LIMK2: variants seen among roughly 807,000 people sequenced by gnomAD.
The protein encoded by LIMK2 is LIM domain kinase 2.
A neutral mutation model predicts 75.7 loss-of-function variants in LIMK2; 35 were observed. That is an observed-to-expected ratio of 0.46 (90% CI 0.35 to 0.61). The LOEUF (loss-of-function observed/expected upper bound fraction) is 0.61. Ranked by LOEUF, LIMK2 falls within the 20% of genes least tolerant of loss-of-function variation. LIMK2 has a pLI of 0.00. For synonymous variants in LIMK2, 301 were observed against 319.2 expected (o/e 0.94, Z 0.61); for missense variants, 623 against 831.0 (o/e 0.75, Z 3.08).
chr22:31,253,982 C>T (rs902147657), intron 2 of LIMK2, among the ~76,000 whole-genome samples: 2 of 152,216 alleles, frequency 1.3e-5, no homozygotes, highest in African/African-American at 4.8e-5. Context: ...CATACCCAGC[C>T]CTCCTGTCAG....
intron 2 of LIMK2, among the ~76,000 whole-genome samples, chr22:31,244,890 A>G (rs905479560): frequency 2.6e-5 from 4 of 152,164 alleles, no homozygotes; most frequent in African/African-American, 9.7e-5. Flanking sequence ...AACGTTGTCT[A>G]TAATGTCTAG....
intron 2 of LIMK2, among the ~76,000 whole-genome samples, chr22:31,249,891 A>G (rs1429961342): frequency 6.6e-6 from 1 of 152,196 alleles, no homozygotes; most frequent in Admixed American, 6.5e-5. Context: ...CCTGCTAGAC[A>G]CTTTATCCTT....
intron 1 of LIMK2, among the ~76,000 whole-genome samples, chr22:31,214,917 T>C (rs1255642867): frequency 6.6e-6 from 1 of 152,156 alleles, no homozygotes; most frequent in Admixed American, 6.5e-5. Flanking sequence ...TGCCTCAGCT[T>C]CCTGAGTAGC....
chr22:31,233,249 A>G (rs2048543952), intron 2 of LIMK2, among the ~76,000 whole-genome samples: 1 of 152,154 alleles, frequency 6.6e-6, no homozygotes, highest in Non-Finnish European at 1.5e-5. Context: ...AATGGCTCCC[A>G]CCTCAAAAAG....
At chr22:31,236,309 A>AC (rs1283722728) in intron 2 of LIMK2, among the ~76,000 whole-genome samples, 2 of 150,134 alleles carry the variant, frequency 1.3e-5, no homozygotes, top group African/African-American at 2.5e-5. Context: ...AAAAAAAAAA[A>AC]AACAAACTGG....
chr22:31,247,450 A>G (rs1034541767), intron 2 of LIMK2, among the ~76,000 whole-genome samples: 2 of 152,166 alleles, frequency 1.3e-5, no homozygotes, highest in African/African-American at 4.8e-5. Flanking sequence ...GGACAAGTAG[A>G]AGAAGCTCCA....
intron 2 of LIMK2, among the ~76,000 whole-genome samples, chr22:31,228,505 A>G (rs928283373): frequency 2.6e-5 from 4 of 152,186 alleles, no homozygotes; most frequent in Admixed American, 6.5e-5. Flanking sequence ...AACTAGCCTT[A>G]AGTGACTTCC....
chr22:31,239,612 T>A (rs1252491706), intron 2 of LIMK2, among the ~76,000 whole-genome samples: 2 of 149,020 alleles, frequency 1.3e-5, no homozygotes, highest in East Asian at 3.9e-4. Flanking sequence ...ATCAGAGACT[T>A]CTTCTCTCTT....
intron 1 of LIMK2, among the ~76,000 whole-genome samples, chr22:31,216,409 A>G (rs866491530): frequency 2.6e-5 from 4 of 152,266 alleles, no homozygotes; most frequent in Middle Eastern, 6.8e-3. Context: ...TGTGGGTGCA[A>G]CCGGACTAGA....
chr22:31,275,275 C>G lies in LIMK2; in HGVS notation c.1739C>G (p.Ala580Gly). The change falls in exon 15 of 16, where the codon GCC becomes GGC. Residue 580 changes from alanine to glycine, a missense_variant. Ala to Gly is a moderately conservative substitution (Grantham distance 60). Transcript: ENST00000331728. ...TDCPPAFFPL[A>G]AICCRLEPES... ...TGTCCCCCGGCCTTCTTCCCGCTGG[C>G]CGCCATCTGCTGCAGACTGGAGCCT... 6.2e-7 allele frequency: 1 copy of G among 1,614,184 alleles called. No individual in the cohort carries two copies.
At chr22:31,237,330 G>A (rs1417441048) in intron 2 of LIMK2, among the ~76,000 whole-genome samples, 2 of 151,464 alleles carry the variant, frequency 1.3e-5, no homozygotes, top group Admixed American at 6.6e-5. Context: ...TTGGGAGGTC[G>A]AGGCGGGCGG....
intron 2 of LIMK2, chr22:31,248,864 T>C: frequency 7.5e-7 from 1 of 1,329,938 alleles, no homozygotes; most frequent in Non-Finnish European, 1.1e-6. Context: ...CTTAGTCCTT[T>C]ACCATCGGTT....
At chr22:31,253,953 A>G (rs376541207) in intron 2 of LIMK2, among the ~76,000 whole-genome samples, 2 of 152,232 alleles carry the variant, frequency 1.3e-5, no homozygotes, top group African/African-American at 2.4e-5. Context: ...GTTCTGTGGC[A>G]AAACACAGCT....
chr22:31,266,204 A>C, intron 8 of LIMK2, 72 bp downstream of exon 8: 972 of 1,453,206 alleles, frequency 6.7e-4, no homozygotes, highest in Non-Finnish European at 8.6e-4. Context: ...GGGATTTCTC[A>C]TCACTTGGCC....
At chr22:31,247,974 G>A (rs530108352) in intron 2 of LIMK2, among the ~76,000 whole-genome samples, 61 of 152,220 alleles carry the variant, frequency 4.0e-4, no homozygotes, top group African/African-American at 1.1e-3. Context: ...GAGCTAGGAT[G>A]GCTCTCTGGA....
At position 31,267,092 on chromosome 22, in the gene LIMK2, G is replaced by A. The variant is rs764425008; in HGVS notation, c.1128+22G>A. ...TGAGGTAAGAAGATGGAGGGGGCCCGGGAGGTTGGTGTCACCATTGGAAGA... is the reference window on the plus strand; with the variant it reads ...TGAGGTAAGAAGATGGAGGGGGCCCAGGAGGTTGGTGTCACCATTGGAAGA... On this transcript the variant is annotated intron_variant, in intron 9 of 15. Coordinates refer to ENST00000331728, the MANE Select transcript of LIMK2 (RefSeq NM_005569.4). The A allele has an allele frequency of 6.2e-6, 9 of 1,452,610 alleles. No individual in the cohort carries two copies. The South Asian group carries it at 7.0e-5, about 11-fold the overall frequency. The allele number at this position is 1,452,610 out of a possible 1,614,324, so 90.0% of individuals were successfully genotyped here.
At position 31,278,613 on chromosome 22, in the gene LIMK2, G is replaced by A; in HGVS notation, c.*172G>A. The A allele has an allele frequency of 1.9e-6, 1 of 532,560 alleles. No individual in the cohort carries two copies. The highest frequency in any genetic ancestry group is 3.1e-6 in the Non-Finnish European group (1 of 317,528). The allele number at this position is 532,560 out of a possible 1,614,324, so 33.0% of individuals were successfully genotyped here. A position where few individuals can be genotyped will look rare whatever the true frequency, so the allele number is the denominator to read the frequency against. ...GGAGGCAAGTGGGCGCAGCACCAGG[G>A]AAATGTATCTCCACAGGTTCTGGGG... On this transcript the variant is annotated 3_prime_UTR_variant, in exon 16 of 16. Transcript: ENST00000331728.
At chr22:31,232,598 AATTAATTC>A (rs2048538998) in intron 2 of LIMK2, among the ~76,000 whole-genome samples, 1 of 151,990 alleles carries the variant, frequency 6.6e-6, no homozygotes. Context: ...CTGGCCTCTT[AATTAATTC>A]ATTAATTAGC....
chr22:31,245,931 G>T (rs1267665007), intron 2 of LIMK2, among the ~76,000 whole-genome samples: 1 of 151,910 alleles, frequency 6.6e-6, no homozygotes, highest in Non-Finnish European at 1.5e-5. Flanking sequence ...TCAGCACTTT[G>T]GGAGGCCGAG....
Sources: allele counts gnomAD v4.1 joint callset (sites outside exome capture counted in the v4.1 genomes callset), GRCh38; gene constraint gnomAD v4.1.1; transcripts MANE v1.5; gene names NCBI Gene and HGNC (gene_info 2026-07-23, HGNC 2026-07-21).